The following ESR1 variants were observed in gnomAD, a reference collection of about 807,000 sequenced individuals.
ESR1 encodes the protein estrogen receptor 1.
A neutral mutation model predicts 52.7 loss-of-function variants in ESR1; 12 were observed. The observed-to-expected ratio is 0.23, with a 90% CI of 0.15 to 0.37. The LOEUF is 0.37. Among genes scored for constraint, ESR1 ranks in the 10% least tolerant of loss-of-function variants. The pLI, the probability that ESR1 is intolerant of heterozygous loss-of-function variation, is 1.00. For synonymous variants in ESR1, 305 were observed against 316.8 expected, an observed-to-expected ratio of 0.96 and a Z score of 0.39; for missense variants, 584 against 779.7, an observed-to-expected ratio of 0.75 and a Z score of 2.99.
chr6:151,821,006 G>A (rs1307199882), intron 1 of ESR1, among the ~76,000 whole-genome samples: 2 of 152,054 alleles, frequency 1.3e-5, no homozygotes, highest in African/African-American at 2.4e-5. Context: ...TCATCTAGGA[G>A]GGGCCTTAGA....
chr6:151,888,411 G>T (rs1281265782), intron 3 of ESR1, among the ~76,000 whole-genome samples: 2 of 151,646 alleles, frequency 1.3e-5, no homozygotes, highest in African/African-American at 2.4e-5. Flanking sequence ...CAAATATTTT[G>T]TTTTATTTTT....
At position 152,124,932 on chromosome 6, in the gene ESR1, T is replaced by C. The variant is rs866273163; in HGVS notation, c.851-334T>C. ...AGCACTCTGAGCATTTATGTTGGGT[T>C]CTGTCATTTAATCCCCACAGCAGTC... On this transcript the variant is annotated intron_variant, in intron 6 of 6. Coordinates refer to the ESR1 transcript ENST00000427531. Among the ~76,000 whole-genome samples the C allele has an allele frequency of 1.7e-4, 26 of 152,340 alleles. No homozygotes were observed. In the Middle Eastern group the frequency reaches 0.014, roughly 80 times the overall value.
intron 2 of ESR1, among the ~76,000 whole-genome samples, chr6:151,794,298 A>G (rs1250398320): frequency 6.6e-6 from 1 of 152,188 alleles, no homozygotes; most frequent in Non-Finnish European, 1.5e-5. Flanking sequence ...AGTTGTATTT[A>G]TCGATGACAT....
At chr6:151,761,185 T>G (rs1784633066) in intron 2 of ESR1, among the ~76,000 whole-genome samples, 1 of 151,190 alleles carries the variant, frequency 6.6e-6, no homozygotes, top group African/African-American at 2.5e-5. Context: ...AAAAAAAAAC[T>G]AGAACAGCAA....
chr6:151,698,909 T>C (rs907021862), intron 1 of ESR1, among the ~76,000 whole-genome samples: 1 of 152,098 alleles, frequency 6.6e-6, no homozygotes, highest in Admixed American at 6.6e-5. Context: ...TCCGGATCAC[T>C]CAATCTTCAC....
chr6:151,726,854 T>C (rs569977044), intron 2 of ESR1, among the ~76,000 whole-genome samples: 4 of 152,298 alleles, frequency 2.6e-5, no homozygotes, highest in South Asian at 4.2e-4. Flanking sequence ...CTTTATTCTA[T>C]TTTCTTGACC....
intron 1 of ESR1, among the ~76,000 whole-genome samples, chr6:151,680,272 C>T (rs1044497387): frequency 6.7e-6 from 1 of 148,478 alleles, no homozygotes; most frequent in Admixed American, 6.8e-5. Context: ...GGTGCCATCT[C>T]GACTCATTGC....
chr6:151,810,010 C>A (rs1778549332), intron 1 of ESR1, among the ~76,000 whole-genome samples: 1 of 152,048 alleles, frequency 6.6e-6, no homozygotes, highest in Admixed American at 6.6e-5. Context: ...CCATTTTCTT[C>A]CCTATTTAAT....
intron 2 of ESR1, among the ~76,000 whole-genome samples, chr6:151,790,605 A>T (rs1373130241): frequency 1.3e-5 from 2 of 151,184 alleles, no homozygotes; most frequent in Non-Finnish European, 2.9e-5. Context: ...TTAATCCCAC[A>T]TGGTGACCTT....
At chr6:151,694,735 C>T (rs1779200418) in intron 1 of ESR1, among the ~76,000 whole-genome samples, 1 of 150,680 alleles carries the variant, frequency 6.6e-6, no homozygotes, top group South Asian at 2.1e-4. Flanking sequence ...TGCAGTGAGC[C>T]GAGATTGTGC....
Position 151,875,948 on chromosome 6 carries a change from T to C in ESR1, c.644-4707T>C, listed in dbSNP as rs149194119. Among the ~76,000 whole-genome samples, 944 of 152,216 alleles carry C rather than the reference T, an allele frequency of 6.2e-3. 11 individuals carry two copies. The highest frequency in any genetic ancestry group is 0.022 in the African/African-American group (909 of 41,542). The stretch of plus-strand genomic sequence containing the variant: ...ATAGTGGCCTGATGGCGTATGATTT[T>C]AGGAAAAATCACTGTGGCCACCCTG... On this transcript the variant is annotated intron_variant, in intron 2 of 7. Transcript: ENST00000206249.
chr6:152,084,000 T>C (rs1554335711), intron 6 of ESR1, among the ~76,000 whole-genome samples: 1 of 152,068 alleles, frequency 6.6e-6, no homozygotes, highest in Non-Finnish European at 1.5e-5. Flanking sequence ...CTATTCACAA[T>C]ACCAAAGACT....
intron 4 of ESR1, among the ~76,000 whole-genome samples, chr6:152,005,226 C>A (rs1274281288): frequency 2.0e-5 from 3 of 151,932 alleles, no homozygotes; most frequent in Non-Finnish European, 4.4e-5. Flanking sequence ...TGTAATAAAA[C>A]CCCAAACGTG....
chr6:152,042,360 CA>C (rs1297636132), intron 5 of ESR1, among the ~76,000 whole-genome samples: 1 of 152,186 alleles, frequency 6.6e-6, no homozygotes, highest in African/African-American at 2.4e-5. Flanking sequence ...AACTGATCTC[CA>C]AAAGCCCCTA....
At chr6:151,947,545 G>A (rs886826602) in intron 4 of ESR1, among the ~76,000 whole-genome samples, 11 of 152,164 alleles carry the variant, frequency 7.2e-5, no homozygotes, top group African/African-American at 2.7e-4. Flanking sequence ...AGCTCTAGAA[G>A]TGCTTCTTTC....
chr6:151,994,599 CTTG>C (rs2041313205), intron 4 of ESR1, among the ~76,000 whole-genome samples: 1 of 152,116 alleles, frequency 6.6e-6, no homozygotes, highest in Non-Finnish European at 1.5e-5. Context: ...AAACCCTGTC[CTTG>C]TTGTTCCATC....
intron 4 of ESR1, among the ~76,000 whole-genome samples, chr6:151,971,081 A>G (rs1417885115): frequency 6.6e-6 from 1 of 152,220 alleles, no homozygotes; most frequent in African/African-American, 2.4e-5. Flanking sequence ...TATACACCAT[A>G]GATAATTAAT....
chr6:152,080,414 G>A (rs898212097), intron 6 of ESR1, among the ~76,000 whole-genome samples: 1 of 152,130 alleles, frequency 6.6e-6, no homozygotes, highest in Non-Finnish European at 1.5e-5. Flanking sequence ...AGCTTCATAA[G>A]TGAAGGAGAA....
chr6:151,926,937 G>A (rs2032851899), intron 3 of ESR1, among the ~76,000 whole-genome samples: 1 of 152,086 alleles, frequency 6.6e-6, no homozygotes, highest in East Asian at 1.9e-4. Context: ...CATCTTCAGG[G>A]GAAAGTGGTT....
Sources: allele counts gnomAD v4.1 joint callset (sites outside exome capture counted in the v4.1 genomes callset), GRCh38; gene constraint gnomAD v4.1.1; transcripts MANE v1.5; gene names NCBI Gene and HGNC (gene_info 2026-07-23, HGNC 2026-07-21).